The following MYBPHL variants were observed in gnomAD, a reference collection of about 807,000 sequenced individuals.
MYBPHL encodes myosin binding protein H like.
Under a neutral mutation model 39.5 loss-of-function variants are expected in MYBPHL, and 32 were observed. That is an observed-to-expected ratio of 0.81 (90% CI 0.61 to 1.09). The LOEUF is 1.09. Among genes scored for constraint, MYBPHL ranks in the 50% least tolerant of loss-of-function variants. MYBPHL has a pLI of 0.00. For synonymous variants in MYBPHL, 196 were observed against 183.7 expected (o/e 1.07, Z -0.54); for missense variants, 456 against 460.2 (o/e 0.99, Z 0.08).
Position 109,297,193 on chromosome 1 carries a change from A to G in MYBPHL, c.431-4T>C. 6.2e-7 allele frequency: 1 copy of G among 1,614,176 alleles called. No individual in the cohort carries two copies. Among genetic ancestry groups the G allele is most frequent in the Non-Finnish European group, 8.5e-7 (1 of 1,180,024 alleles). ...CTCTGAGGAGGGCCTGGCCTCTCTG[A>G]AAGGGCAAAGCCATGGCAGTGGGCG... On this transcript the variant is annotated splice_region_variant and splice_polypyrimidine_tract_variant and intron_variant, in intron 3 of 8. Coordinates refer to ENST00000357155, the MANE Select transcript of MYBPHL (RefSeq NM_001010985.3).
chr1:109,295,169 G>C lies in MYBPHL; in HGVS notation c.996C>G (p.Thr332=). The change falls in exon 7 of 9, where the codon ACC becomes ACG. Residue 332 remains threonine (T), a synonymous_variant. Coordinates refer to ENST00000357155, the MANE Select transcript of MYBPHL (RefSeq NM_001010985.3). ...KPGPFDGGIY[T]CKAVNPLGEA... ...CCCCTAGGGGGTTCACCGCCTTGCA[G>C]GTATAGATGCCTCCATCAAAGGGAC... 6.2e-7 allele frequency: 1 copy of C among 1,614,140 alleles called. No homozygotes were observed. Among genetic ancestry groups the C allele is most frequent in the Non-Finnish European group, 8.5e-7 (1 of 1,180,028 alleles).
At chr1:109,297,231 C>T (rs1658109879) in intron 3 of MYBPHL, 42 bp from the exon 4 acceptor site, 1 of 1,613,982 alleles carries the variant, frequency 6.2e-7, no homozygotes, top group Non-Finnish European at 8.5e-7. Context: ...GAACATCCCA[C>T]ATGCATTGAA....
chr1:109,295,969 T>G (rs1425036173), intron 6 of MYBPHL, among the ~76,000 whole-genome samples: 1 of 152,170 alleles, frequency 6.6e-6, no homozygotes, highest in African/African-American at 2.4e-5. Context: ...AGAAACAACT[T>G]GAGGCGCATG....
chr1:109,302,600 CTG>C (rs1658331967), intron 1 of MYBPHL, among the ~76,000 whole-genome samples: 1 of 152,170 alleles, frequency 6.6e-6, no homozygotes, highest in Non-Finnish European at 1.5e-5. Context: ...ATAACTCCTG[CTG>C]GTCCCAACAC....
intron 6 of MYBPHL, among the ~76,000 whole-genome samples, chr1:109,296,002 A>G (rs1260363500): frequency 6.6e-6 from 1 of 152,202 alleles, no homozygotes; most frequent in Non-Finnish European, 1.5e-5. Context: ...CAGGTCAGTA[A>G]GCAACACCTC....
intron 6 of MYBPHL, 98 bp downstream of exon 6, chr1:109,296,136 A>G (rs1249598663): frequency 1.4e-6 from 2 of 1,469,094 alleles, no homozygotes; most frequent in African/African-American, 2.8e-5. Context: ...GGTGATGGTA[A>G]CAGATGTTAT....
At chr1:109,306,699 G>T (rs1443388787) in intron 1 of MYBPHL, 148 bp downstream of exon 1, 5 of 620,888 alleles carry the variant, frequency 8.1e-6, no homozygotes, top group Non-Finnish European at 1.3e-5. Context: ...GGGGATGGGG[G>T]CTCTCACGAA....
chr1:109,301,747 G>C (rs991936724), intron 1 of MYBPHL, among the ~76,000 whole-genome samples: 1 of 138,490 alleles, frequency 7.2e-6, no homozygotes, highest in Non-Finnish European at 1.5e-5. Context: ...ATCTCAAAAA[G>C]AAAAAAAAAA....
At chr1:109,294,297 G>GAA in intron 7 of MYBPHL, 48 bp from the exon 8 acceptor site, 1 of 1,586,986 alleles carries the variant, frequency 6.3e-7, no homozygotes, top group Non-Finnish European at 8.7e-7. Context: ...AGAAATCTCT[G>GAA]AGAAACTTTC....
intron 8 of MYBPHL, chr1:109,292,982 A>C (rs1020008105): frequency 6.6e-6 from 1 of 152,194 alleles, no homozygotes; most frequent in African/African-American, 2.4e-5. Context: ...TTTTGCCAAT[A>C]ATGTGCTGCT....
chr1:109,306,094 G>A (rs1557767757), intron 1 of MYBPHL, among the ~76,000 whole-genome samples: 1 of 152,170 alleles, frequency 6.6e-6, no homozygotes, highest in South Asian at 2.1e-4. Context: ...AGGAGTCCAC[G>A]TGTTTCTTGA....
intron 1 of MYBPHL, among the ~76,000 whole-genome samples, chr1:109,304,307 C>T (rs1658390000): frequency 1.3e-5 from 2 of 152,056 alleles, no homozygotes; most frequent in African/African-American, 4.8e-5. Flanking sequence ...AAAGGAAGGA[C>T]GGAAGGAAGG....
intron 8 of MYBPHL, chr1:109,292,795 T>A (rs149581207): frequency 3.3e-5 from 5 of 152,340 alleles, no homozygotes; most frequent in African/African-American, 1.2e-4. Flanking sequence ...TCAAATTCAT[T>A]TCCAATTTCC....
intron 1 of MYBPHL, among the ~76,000 whole-genome samples, chr1:109,299,770 G>C (rs1658220208): frequency 6.6e-6 from 1 of 152,188 alleles, no homozygotes; most frequent in Non-Finnish European, 1.5e-5. Flanking sequence ...CTCAGGTCTT[G>C]ACTGCCTCAG....
At chr1:109,294,658 C>T (rs541870987) in intron 7 of MYBPHL, among the ~76,000 whole-genome samples, 2 of 152,240 alleles carry the variant, frequency 1.3e-5, no homozygotes, top group East Asian at 3.9e-4. Flanking sequence ...AGAGGATATG[C>T]AATATTACCT....
chr1:109,298,526 T>C (rs1658170220), intron 1 of MYBPHL, among the ~76,000 whole-genome samples: 1 of 152,188 alleles, frequency 6.6e-6, no homozygotes, highest in Admixed American at 6.5e-5. Context: ...TCTCAAGTAC[T>C]GACTTTCCAT....
intron 5 of MYBPHL, 139 bp from the exon 6 acceptor site, chr1:109,296,509 G>T: frequency 8.8e-7 from 1 of 1,130,682 alleles, no homozygotes; most frequent in Non-Finnish European, 1.2e-6. Context: ...CACGATCTCA[G>T]CTCACTGCAA....
chr1:109,306,768 C>T (rs1349864898), intron 1 of MYBPHL, 79 bp downstream of exon 1: 60 of 1,291,074 alleles, frequency 4.6e-5, no homozygotes, highest in East Asian at 2.8e-4. Context: ...AAACCTGAGG[C>T]GCCGTTCAGG....
At position 109,294,315 on chromosome 1, in the gene MYBPHL, G is replaced by A. The variant is rs983904919; in HGVS notation, c.1055-66C>T. ...AATCTCTGAGAAACTTTCTTTCAGA[G>A]CATTAGAAAGGAATATTCTATTTCA... On this transcript the variant is annotated intron_variant, in intron 7 of 8. Transcript: ENST00000357155. 9 of 1,459,878 alleles carry A rather than the reference G, an allele frequency of 6.2e-6. No homozygotes were observed. In the Admixed American group the frequency reaches 6.7e-5, roughly 11 times the overall value. 90.4% of individuals were successfully genotyped at this position (1,459,878 alleles called of 1,614,324 possible). A position where few individuals can be genotyped will look rare whatever the true frequency, so the allele number is the denominator to read the frequency against.
Sources: gnomAD v4.1 joint callset for allele counts (sites outside exome capture counted in the v4.1 genomes callset) on GRCh38, gnomAD v4.1.1 for gene constraint, MANE v1.5 for transcripts, NCBI Gene and HGNC (gene_info 2026-07-23, HGNC 2026-07-21) for gene names.